The following NWD2 variants were observed in gnomAD, a reference collection of about 807,000 sequenced individuals.
NWD2 encodes the protein NACHT and WD repeat domain-containing protein 2.
In NWD2, 37 loss-of-function variants were observed where a neutral mutation model predicts 132.7. The observed-to-expected ratio is 0.28, with a 90% CI of 0.21 to 0.37. The LOEUF (loss-of-function observed/expected upper bound fraction) is 0.37. NWD2 is among the 10% of genes least tolerant of loss of function. The pLI is 1.00. For synonymous variants in NWD2, 705 were observed against 803.0 expected (o/e 0.88, Z 2.06); for missense variants, 1,592 against 2,122.4 (o/e 0.75, Z 4.91).
intron 1 of NWD2, 32 bp downstream of exon 1, chr4:37,245,250 C>A: frequency 6.6e-7 from 1 of 1,509,674 alleles, no homozygotes; most frequent in South Asian, 1.2e-5. Flanking sequence ...GCCCGTCCGT[C>A]CTTCTGTCCG....
chr4:37,406,393 A>T (rs1721043707), intron 3 of NWD2, among the ~76,000 whole-genome samples: 1 of 152,168 alleles, frequency 6.6e-6, no homozygotes, highest in Non-Finnish European at 1.5e-5. Context: ...TAAAAAAAGG[A>T]TCTAGAACCA....
At chr4:37,436,142 A>G (rs1404253532) in intron 5 of NWD2, among the ~76,000 whole-genome samples, 1 of 152,204 alleles carries the variant, frequency 6.6e-6, no homozygotes. Flanking sequence ...TTAATTTCTC[A>G]TGGATAATAG....
chr4:37,342,345 G>A (rs1274519821), intron 2 of NWD2, among the ~76,000 whole-genome samples: 1 of 152,046 alleles, frequency 6.6e-6, no homozygotes, highest in Admixed American at 6.6e-5. Flanking sequence ...GCTTCCTGAT[G>A]CCCCACCAGA....
At chr4:37,270,153 A>T (rs1029983191) in intron 1 of NWD2, among the ~76,000 whole-genome samples, 3 of 151,766 alleles carry the variant, frequency 2.0e-5, no homozygotes, top group South Asian at 2.1e-4. Context: ...ACTCATTTTT[A>T]AAAAATAACC....
At chr4:37,273,125 T>G (rs1474440683) in intron 1 of NWD2, among the ~76,000 whole-genome samples, 1 of 151,880 alleles carries the variant, frequency 6.6e-6, no homozygotes, top group East Asian at 1.9e-4. Flanking sequence ...TCTGTAGAAT[T>G]TTGCTGTTAT....
chr4:37,256,681 T>C (rs1444970573), intron 1 of NWD2, among the ~76,000 whole-genome samples: 1 of 152,186 alleles, frequency 6.6e-6, no homozygotes, highest in Non-Finnish European at 1.5e-5. Flanking sequence ...AGCCCATTTG[T>C]TTTAAAATTC....
intron 1 of NWD2, among the ~76,000 whole-genome samples, chr4:37,278,801 T>A (rs1350131513): frequency 1.3e-5 from 2 of 152,160 alleles, no homozygotes; most frequent in African/African-American, 2.4e-5. Flanking sequence ...TTAACCCGAT[T>A]TCTGACTTTC....
At chr4:37,354,365 TGAGA>T in intron 2 of NWD2, among the ~76,000 whole-genome samples, 1 of 152,306 alleles carries the variant, frequency 6.6e-6, no homozygotes, top group Non-Finnish European at 1.5e-5. Context: ...TAGCAGAGCT[TGAGA>T]GCTGTGCTGG....
intron 1 of NWD2, among the ~76,000 whole-genome samples, chr4:37,272,270 A>G (rs1717888378): frequency 6.6e-6 from 1 of 151,568 alleles, no homozygotes. Context: ...GTTTTCTCAT[A>G]ATATGTTTGT....
intron 1 of NWD2, among the ~76,000 whole-genome samples, chr4:37,287,816 T>G (rs1202276445): frequency 6.6e-6 from 1 of 152,242 alleles, no homozygotes; most frequent in East Asian, 1.9e-4. Context: ...TAATGGGTCC[T>G]GTTCCCAAAG....
intron 3 of NWD2, among the ~76,000 whole-genome samples, chr4:37,397,622 G>A (rs538854965): frequency 6.6e-6 from 1 of 152,272 alleles, no homozygotes; most frequent in African/African-American, 2.4e-5. Context: ...TGGAGTGAAG[G>A]TGACTTCAGA....
At chr4:37,291,710 T>C (rs1369992720) in intron 1 of NWD2, among the ~76,000 whole-genome samples, 1 of 152,162 alleles carries the variant, frequency 6.6e-6, no homozygotes, top group Non-Finnish European at 1.5e-5. Flanking sequence ...ATAGTGTTAC[T>C]AAAATTTTTG....
intron 3 of NWD2, among the ~76,000 whole-genome samples, chr4:37,357,492 T>C (rs971626072): frequency 6.6e-6 from 1 of 152,182 alleles, no homozygotes; most frequent in Non-Finnish European, 1.5e-5. Context: ...TAGTATTCCA[T>C]ATATAGATAA....
chr4:37,441,153 T>C (rs1037766498), intron 6 of NWD2, among the ~76,000 whole-genome samples: 1 of 152,260 alleles, frequency 6.6e-6, no homozygotes, highest in African/African-American at 2.4e-5. Context: ...AGCTGGGTTT[T>C]CTGCTTATGT....
At chr4:37,288,498 T>C (rs1163884898) in intron 1 of NWD2, among the ~76,000 whole-genome samples, 1 of 152,214 alleles carries the variant, frequency 6.6e-6, no homozygotes, top group Non-Finnish European at 1.5e-5. Context: ...TTAAATTTAT[T>C]ACAACAGCCA....
At chr4:37,420,890 A>T (rs1711789609) in intron 3 of NWD2, among the ~76,000 whole-genome samples, 1 of 152,174 alleles carries the variant, frequency 6.6e-6, no homozygotes, top group Non-Finnish European at 1.5e-5. Flanking sequence ...TTATTGAATG[A>T]ATCCTTGATA....
intron 3 of NWD2, among the ~76,000 whole-genome samples, chr4:37,375,789 G>T (rs371958969): frequency 4.6e-5 from 7 of 151,992 alleles, no homozygotes; most frequent in African/African-American, 1.7e-4. Flanking sequence ...GGATGGTCTC[G>T]ATCTCCTGAC....
intron 1 of NWD2, among the ~76,000 whole-genome samples, chr4:37,267,787 T>C (rs1717787488): frequency 6.6e-6 from 1 of 151,908 alleles, no homozygotes; most frequent in Non-Finnish European, 1.5e-5. Flanking sequence ...ATTACAACAA[T>C]TAATAATAAG....
chr4:37,357,831 C>T (rs547489765), intron 3 of NWD2, among the ~76,000 whole-genome samples: 2 of 152,084 alleles, frequency 1.3e-5, no homozygotes, highest in East Asian at 3.9e-4. Context: ...TAAGATAAAA[C>T]AGTCAGAGGA....
Sources: gnomAD v4.1 joint callset for allele counts (sites outside exome capture counted in the v4.1 genomes callset) on GRCh38, gnomAD v4.1.1 for gene constraint, MANE v1.5 for transcripts, NCBI Gene and HGNC (gene_info 2026-07-23, HGNC 2026-07-21) for gene names.